The following SPTLC3 variants were observed in gnomAD, a reference collection of about 807,000 sequenced individuals.
SPTLC3 encodes the protein serine palmitoyltransferase 3.
In SPTLC3, 36 loss-of-function variants were observed where a neutral mutation model predicts 59.3. The observed-to-expected ratio is 0.61, with a 90% CI of 0.47 to 0.80. The LOEUF is 0.80. SPTLC3 is among the 30% of genes least tolerant of loss of function. The pLI, the probability that SPTLC3 is intolerant of heterozygous loss-of-function variation, is 0.00. For missense variants in SPTLC3, 625 were observed against 685.1 expected, an observed-to-expected ratio of 0.91 and a Z score of 0.98; for synonymous variants, 257 against 240.8, an observed-to-expected ratio of 1.07 and a Z score of -0.62.
chr20:13,087,513 C>T (rs1221388078), intron 4 of SPTLC3, among the ~76,000 whole-genome samples: 2 of 152,178 alleles, frequency 1.3e-5, no homozygotes, highest in East Asian at 3.9e-4. Flanking sequence ...CATTGAATGG[C>T]CATTTGATCT....
At position 13,072,349 on chromosome 20, in the gene SPTLC3, G is replaced by A. The variant is rs777091632; in HGVS notation, c.397G>A (p.Ala133Thr). ...CAACTGGAACCGGCCCATCTGCAGT[G>A]CCCCAGGGCCTCTGTTTGATTTGAT... is the stretch of plus-strand genomic sequence containing the variant. ...RDNWNRPICS[A>T]PGPLFDLMER... Residue 133 changes from alanine (A) to threonine (T), a missense_variant, in exon 3 of 12, where the codon GCC becomes ACC. Ala to Thr is a moderately conservative substitution (Grantham distance 58). Transcript: ENST00000399002. 5.0e-6 allele frequency: 8 copies of A among 1,613,632 alleles called. No homozygotes were observed. Among genetic ancestry groups the A allele is most frequent in the Non-Finnish European group, 6.8e-6 (8 of 1,179,742 alleles).
intron 1 of SPTLC3, among the ~76,000 whole-genome samples, chr20:13,020,529 A>C (rs560443723): frequency 6.6e-6 from 1 of 152,210 alleles, no homozygotes; most frequent in South Asian, 2.1e-4. Context: ...CCCTTTCTCT[A>C]TATTTTGTCA....
At chr20:13,027,098 C>G (rs991171388) in intron 1 of SPTLC3, among the ~76,000 whole-genome samples, 31 of 152,194 alleles carry the variant, frequency 2.0e-4, no homozygotes, top group Non-Finnish European at 4.4e-5. Context: ...GGTTTCCTTC[C>G]CTTTTCTGGC....
intron 4 of SPTLC3, among the ~76,000 whole-genome samples, chr20:13,085,862 G>A (rs1180070971): frequency 1.3e-5 from 2 of 152,146 alleles, no homozygotes; most frequent in Non-Finnish European, 2.9e-5. Flanking sequence ...GAGCTGACAA[G>A]AGGATACTTC....
chr20:13,028,744 A>T (rs1320388040), intron 1 of SPTLC3, among the ~76,000 whole-genome samples: 1 of 152,178 alleles, frequency 6.6e-6, no homozygotes, highest in East Asian at 1.9e-4. Flanking sequence ...CAAAACCAGG[A>T]TCAAAGCCAA....
intron 1 of SPTLC3, among the ~76,000 whole-genome samples, chr20:13,018,060 T>C (rs1353770009): frequency 6.6e-6 from 1 of 152,210 alleles, no homozygotes; most frequent in Non-Finnish European, 1.5e-5. Flanking sequence ...GTGAGTGATG[T>C]ATCTTGGAAG....
At chr20:13,089,761 G>A (rs1046527198) in intron 4 of SPTLC3, among the ~76,000 whole-genome samples, 10 of 143,820 alleles carry the variant, frequency 7.0e-5, no homozygotes, top group Non-Finnish European at 1.4e-4. Flanking sequence ...ATTCCAGCCT[G>A]GATGACAGAG....
At position 13,072,390 on chromosome 20, in the gene SPTLC3, C is replaced by T. The variant is rs538640268; in HGVS notation, c.438C>T (p.Asp146=). Residue 146 remains aspartate, a synonymous_variant, in exon 3 of 12, where the codon GAC becomes GAT. Transcript: ENST00000399002. ...TTGATTTGATGGAGAGGGTATCAGA[C>T]GACTATAACTGGACGTTTAGGTGAG... ...PLFDLMERVS[D]DYNWTFRFTG... 46 of 1,600,012 alleles carry T rather than the reference C, an allele frequency of 2.9e-5. No individual in the cohort carries two copies. Among genetic ancestry groups the T allele is most frequent in the South Asian group, 6.8e-5 (6 of 88,438 alleles).
At chr20:13,157,461 C>T (rs553363150) in intron 10 of SPTLC3, among the ~76,000 whole-genome samples, 2 of 152,130 alleles carry the variant, frequency 1.3e-5, no homozygotes, top group South Asian at 2.1e-4. Context: ...CTCTCTAAGA[C>T]TCACACAGGT....
At chr20:13,034,778 T>C (rs1418664865) in intron 1 of SPTLC3, among the ~76,000 whole-genome samples, 1 of 151,602 alleles carries the variant, frequency 6.6e-6, no homozygotes, top group Non-Finnish European at 1.5e-5. Context: ...AAACATACTT[T>C]TTGTTATTCA....
intron 1 of SPTLC3, among the ~76,000 whole-genome samples, chr20:13,024,218 G>A (rs1351275215): frequency 6.6e-6 from 1 of 152,138 alleles, no homozygotes; most frequent in Admixed American, 6.6e-5. Flanking sequence ...CATATAGTTA[G>A]CAGTGCAATC....
intron 4 of SPTLC3, among the ~76,000 whole-genome samples, chr20:13,080,485 T>C (rs2327687): frequency 0.48 from 66,957 of 140,714 alleles, 15,566 homozygotes; most frequent in Middle Eastern, 0.52. Context: ...TCCAGCCTCA[T>C]GACCGAGTGA....
In SPTLC3 at chr20:13,121,666, A is replaced by G. The variant is rs145835607; in HGVS notation, c.1152+3941A>G. 5.5e-3 allele frequency among the ~76,000 whole-genome samples: 835 copies of G among 152,232 alleles called. 10 individuals are homozygous for G. Among genetic ancestry groups the G allele is most frequent in the African/African-American group, 0.019 (793 of 41,540 alleles). ...CTTAACTCATGGCTCATAGCACCCA[A>G]TGGGGGAACGAGAGGGGGAATTAGT... On this transcript the variant is annotated intron_variant, in intron 8 of 11. Coordinates refer to ENST00000399002, the MANE Select transcript of SPTLC3 (RefSeq NM_018327.4).
intron 6 of SPTLC3, among the ~76,000 whole-genome samples, chr20:13,096,542 G>A (rs941835744): frequency 3.3e-5 from 5 of 151,174 alleles, no homozygotes; most frequent in South Asian, 2.1e-4. Context: ...AGACACAAAC[G>A]TGTATACATA....
rs531179887 is a variant in SPTLC3 at position 13,150,952 on chromosome 20, A to G, written c.1280-3051A>G. On this transcript the variant is annotated intron_variant, in intron 9 of 11. Coordinates refer to ENST00000399002, the MANE Select transcript of SPTLC3 (RefSeq NM_018327.4). ...TCCAGTCTCCCTCTTATGAGCTCTC[A>G]TAACACCAGATAACATTTCTCTACA... 9.8e-5 allele frequency among the ~76,000 whole-genome samples: 15 copies of G among 152,292 alleles called. No homozygotes were observed. In the South Asian group the frequency reaches 2.9e-3, roughly 29 times the overall value.
chr20:13,051,419 G>A (rs1835658), intron 2 of SPTLC3, among the ~76,000 whole-genome samples: 151,710 of 152,360 alleles, frequency 1, 75,535 homozygotes, highest in Middle Eastern at 1. Flanking sequence ...CCTAACACTG[G>A]AGATCCTAAA....
chr20:13,134,963 G>A (rs113558670), intron 9 of SPTLC3, among the ~76,000 whole-genome samples: 1 of 152,132 alleles, frequency 6.6e-6, no homozygotes, highest in African/African-American at 2.4e-5. Flanking sequence ...AATAGGAAAG[G>A]GAGTTTTGCT....
chr20:13,024,263 A>C (rs1420692292), intron 1 of SPTLC3, among the ~76,000 whole-genome samples: 1 of 152,168 alleles, frequency 6.6e-6, no homozygotes, highest in Non-Finnish European at 1.5e-5. Flanking sequence ...CATTAGATGA[A>C]ATGCCCTTTC....
intron 1 of SPTLC3, among the ~76,000 whole-genome samples, chr20:13,032,634 G>A (rs1732283508): frequency 6.6e-6 from 1 of 152,124 alleles, no homozygotes; most frequent in Non-Finnish European, 1.5e-5. Context: ...AACTTTCCCA[G>A]TCTTGGCTCT....
Sources: gnomAD v4.1 joint callset for allele counts (sites outside exome capture counted in the v4.1 genomes callset) on GRCh38, gnomAD v4.1.1 for gene constraint, MANE v1.5 for transcripts, NCBI Gene and HGNC (gene_info 2026-07-23, HGNC 2026-07-21) for gene names.